Variants in WLS observed in about 807,000 individuals in gnomAD.
WLS encodes protein wntless homolog.
A neutral mutation model predicts 62.8 loss-of-function variants in WLS; 23 were observed. The ratio of observed to expected loss-of-function variants is 0.37; its 90% CI spans 0.26 to 0.52. The LOEUF is 0.52. Among genes scored for constraint, WLS ranks in the 20% least tolerant of loss-of-function variants. The pLI is 0.92. For missense variants in WLS, 615 were observed against 697.3 expected (o/e 0.88, Z 1.33); for synonymous variants, 246 against 244.1 (o/e 1.01, Z -0.07).
intron 1 of WLS, among the ~76,000 whole-genome samples, chr1:68,214,232 G>C (rs1488650727): frequency 2.0e-5 from 3 of 150,328 alleles, no homozygotes; most frequent in Non-Finnish European, 3.0e-5. Context: ...TACTGCTCTA[G>C]TTAGAGGAGC....
At chr1:68,212,458 C>A (rs1293708302) in intron 1 of WLS, among the ~76,000 whole-genome samples, 1 of 152,170 alleles carries the variant, frequency 6.6e-6, no homozygotes, top group Admixed American at 6.5e-5. Flanking sequence ...AGGTCCAAAT[C>A]AGTGCTTTAA....
At chr1:68,131,493 G>T (rs1190024528) in intron 11 of WLS, among the ~76,000 whole-genome samples, 3 of 152,036 alleles carry the variant, frequency 2.0e-5, no homozygotes, top group Admixed American at 2.0e-4. Context: ...TAAGAGCCCT[G>T]GGTCCAGTTG....
At chr1:68,187,692 A>G (rs533397898) in intron 2 of WLS, among the ~76,000 whole-genome samples, 10 of 152,304 alleles carry the variant, frequency 6.6e-5, no homozygotes, top group Admixed American at 6.5e-4. Context: ...AAATGTAAAC[A>G]GGGAGCTTTC....
At chr1:68,185,414 C>T (rs1328112337) in intron 2 of WLS, among the ~76,000 whole-genome samples, 1 of 152,144 alleles carries the variant, frequency 6.6e-6, no homozygotes, top group Non-Finnish European at 1.5e-5. Context: ...GGATCCCTGA[C>T]CCTCTGGCAG....
At chr1:68,129,900 T>G (rs554255894) in intron 11 of WLS, among the ~76,000 whole-genome samples, 13 of 152,336 alleles carry the variant, frequency 8.5e-5, no homozygotes, top group Non-Finnish European at 1.5e-4. Flanking sequence ...ATGCTTTAGT[T>G]TGCAGTAAAT....
intron 7 of WLS, 30 bp from the exon 8 acceptor site, chr1:68,148,229 A>G (rs1360996641): frequency 1.2e-6 from 2 of 1,610,668 alleles, no homozygotes; most frequent in South Asian, 1.1e-5. Flanking sequence ...GAAAGGCAAG[A>G]CACAATTAAT....
At chr1:68,100,898 G>A (rs1007957261) in intron 11 of WLS, 1 of 152,194 alleles carries the variant, frequency 6.6e-6, no homozygotes, top group African/African-American at 2.4e-5. Context: ...CCATGAACAT[G>A]GGACACATGC....
chr1:68,100,320 A>C (rs2100284881), intron 11 of WLS, among the ~76,000 whole-genome samples: 1 of 152,252 alleles, frequency 6.6e-6, no homozygotes, highest in African/African-American at 2.4e-5. Context: ...GGTGCAGAGA[A>C]GCAGCCTATT....
At chr1:68,193,441 A>C (rs1648474033) in intron 2 of WLS, among the ~76,000 whole-genome samples, 1 of 110,846 alleles carries the variant, frequency 9.0e-6, no homozygotes, top group Non-Finnish European at 1.9e-5. Context: ...AAAAAAAAAA[A>C]ACGAAAAAAA....
At chr1:68,230,504 A>G (rs1395908696) in intron 1 of WLS, among the ~76,000 whole-genome samples, 1 of 152,052 alleles carries the variant, frequency 6.6e-6, no homozygotes, top group East Asian at 2.0e-4. Context: ...AGAGCCTCGA[A>G]AAATCCAATA....
chr1:68,137,969 GAGAAGAAAC>G, intron 10 of WLS, 36 bp from the exon 11 acceptor site: 2 of 1,610,592 alleles, frequency 1.2e-6, no homozygotes, highest in Non-Finnish European at 1.7e-6. Context: ...AATTGAAACA[GAGAAGAAAC>G]AGAAGAAACA....
At chr1:68,110,426 C>T (rs1646209684) in intron 11 of WLS, among the ~76,000 whole-genome samples, 1 of 150,732 alleles carries the variant, frequency 6.6e-6, no homozygotes, top group Non-Finnish European at 1.5e-5. Flanking sequence ...AATTTTTCTG[C>T]AAAGAAAATA....
chr1:68,215,604 G>T (rs927627901), intron 1 of WLS, among the ~76,000 whole-genome samples: 1 of 152,098 alleles, frequency 6.6e-6, no homozygotes, highest in East Asian at 1.9e-4. Flanking sequence ...AAATAATAAA[G>T]GATGTACATA....
intron 11 of WLS, among the ~76,000 whole-genome samples, chr1:68,102,042 A>C (rs1375100585): frequency 2.0e-5 from 3 of 152,202 alleles, no homozygotes; most frequent in African/African-American, 7.2e-5. Context: ...CAGACTCTGC[A>C]CACACAGGTG....
chr1:68,153,464 G>A (rs945790070), intron 5 of WLS, 53 bp downstream of exon 5: 1 of 1,609,062 alleles, frequency 6.2e-7, no homozygotes, highest in South Asian at 1.1e-5. Context: ...CAAGAGCTTG[G>A]CAGATCATGA....
chr1:68,200,750 T>C (rs1212708631), intron 1 of WLS, among the ~76,000 whole-genome samples: 3 of 152,222 alleles, frequency 2.0e-5, no homozygotes, highest in Non-Finnish European at 4.4e-5. Flanking sequence ...CATTGCACTA[T>C]GAATGGTATT....
chr1:68,196,435 G>A (rs1399918608), intron 1 of WLS, among the ~76,000 whole-genome samples: 1 of 151,888 alleles, frequency 6.6e-6, no homozygotes. Flanking sequence ...CTGATACTTG[G>A]TATATTATGT....
intron 11 of WLS, chr1:68,127,150 G>C: frequency 2.8e-6 from 1 of 362,708 alleles, no homozygotes; most frequent in Non-Finnish European, 5.5e-6. Flanking sequence ...AGCTATGATT[G>C]CACCACTCAC....
chr1:68,177,236 C>T (rs1262165014), intron 2 of WLS, among the ~76,000 whole-genome samples: 2 of 152,312 alleles, frequency 1.3e-5, no homozygotes, highest in East Asian at 1.9e-4. Context: ...ATACCCTCAT[C>T]GGGATTCATA....
Sources: gnomAD v4.1 joint callset for allele counts (sites outside exome capture counted in the v4.1 genomes callset) on GRCh38, gnomAD v4.1.1 for gene constraint, MANE v1.5 for transcripts, NCBI Gene and HGNC (gene_info 2026-07-23, HGNC 2026-07-21) for gene names.